Variants in CFAP46 observed in about 807,000 individuals in gnomAD.
CFAP46 encodes the protein cilia- and flagella-associated protein 46.
CFAP46 carries 245 observed loss-of-function variants against 325.7 expected under a neutral mutation model. The ratio of observed to expected loss-of-function variants is 0.75; its 90% CI spans 0.68 to 0.84. The LOEUF (loss-of-function observed/expected upper bound fraction) is 0.84, where lower values mean the gene tolerates loss of function less well. CFAP46 is among the 40% of genes least tolerant of loss of function. The probability of loss-of-function intolerance (pLI) is 0.00; values close to 1 mark genes in which losing one functional copy is unlikely to be tolerated. For synonymous variants in CFAP46, 1,523 were observed against 1,495.9 expected (o/e 1.02, Z -0.42); for missense variants, 3,346 against 3,543.0 (o/e 0.94, Z 1.41).
intron 27 of CFAP46, 42 bp downstream of exon 27, chr10:132,885,061 G>T: frequency 2.6e-6 from 4 of 1,517,302 alleles, no homozygotes; most frequent in Non-Finnish European, 3.5e-6. Flanking sequence ...TTTCACTAAA[G>T]GACAAATTTT....
intron 22 of CFAP46, among the ~76,000 whole-genome samples, chr10:132,902,033 T>TC (rs1246410455): frequency 6.6e-6 from 1 of 152,206 alleles, no homozygotes; most frequent in East Asian, 1.9e-4. Context: ...TCTTTGGTCT[T>TC]CAGCAATGTG....
chr10:132,852,414 T>G (rs1848570655), intron 39 of CFAP46, among the ~76,000 whole-genome samples: 2 of 135,752 alleles, frequency 1.5e-5, no homozygotes, highest in Non-Finnish European at 3.2e-5. Flanking sequence ...ACGTGGTATG[T>G]TCCTCCATTT....
chr10:132,906,852 A>G (rs73393294), intron 22 of CFAP46, among the ~76,000 whole-genome samples: 4,872 of 99,778 alleles, frequency 0.049, 784 homozygotes, highest in African/African-American at 0.21. Flanking sequence ...GTGATGCCCC[A>G]TCCTGGGCAC....
chr10:132,921,591 T>C (rs1849722765), intron 13 of CFAP46, among the ~76,000 whole-genome samples: 1 of 152,114 alleles, frequency 6.6e-6, no homozygotes. Context: ...TGTGTTGAAG[T>C]CCTCGCCCCC....
intron 41 of CFAP46, among the ~76,000 whole-genome samples, chr10:132,849,575 C>T (rs1591051538): frequency 6.6e-6 from 1 of 152,178 alleles, no homozygotes; most frequent in East Asian, 1.9e-4. Flanking sequence ...TTGTAGGGGC[C>T]ATCACCAGGG....
Position 132,864,645 on chromosome 10 carries a change from T to C in CFAP46, c.4890+1380A>G, listed in dbSNP as rs1185095060. On this transcript the variant is annotated intron_variant, in intron 35 of 57. Coordinates refer to ENST00000368586, the MANE Select transcript of CFAP46 (RefSeq NM_001200049.3). ...ACTTGCACACACCTGTCCCCCTGCC[T>C]GAGACCTGCACACACCTGTCCCCAG... 6.9e-5 allele frequency among the ~76,000 whole-genome samples: 9 copies of C among 131,152 alleles called. 1 individual carries two copies. Among genetic ancestry groups the C allele is most frequent in the South Asian group, 2.7e-4 (1 of 3,770 alleles). The allele number at this position is 131,152 out of a possible 152,430, so 86.0% of individuals were successfully genotyped here.
At chr10:132,864,771 GAAC>G (rs1848788608) in intron 35 of CFAP46, among the ~76,000 whole-genome samples, 2 of 110,176 alleles carry the variant, frequency 1.8e-5, no homozygotes, top group Non-Finnish European at 3.4e-5. Flanking sequence ...CCTGAGACCT[GAAC>G]ACACCTGTCC....
At chr10:132,835,126 TC>T (rs1848218546) in intron 47 of CFAP46, among the ~76,000 whole-genome samples, 177 bp downstream of exon 47, 1 of 152,194 alleles carries the variant, frequency 6.6e-6, no homozygotes. Flanking sequence ...GAGCAAGTTC[TC>T]CCCCCACATG....
rs1009000788 is a variant in CFAP46 at position 132,886,240 on chromosome 10, C to A, written c.3305-281G>T. 3.3e-5 allele frequency among the ~76,000 whole-genome samples: 5 copies of A among 152,158 alleles called. No homozygotes were observed. The highest frequency in any genetic ancestry group is 1.2e-4 in the African/African-American group (5 of 41,448). On this transcript the variant is annotated intron_variant, in intron 25 of 57. Transcript: ENST00000368586. The surrounding 1 kb of genome is among the most constrained non-coding windows in gnomAD (Gnocchi z 5.8). ...CTCTCCATCTCCTTGGAGAATTCTG[C>A]GTTCACAAACACAGACCTGTGTTTC...
intron 22 of CFAP46, among the ~76,000 whole-genome samples, chr10:132,907,355 A>G (rs928554427): frequency 6.6e-6 from 1 of 152,216 alleles, no homozygotes; most frequent in Non-Finnish European, 1.5e-5. Context: ...GGATGATAAC[A>G]ATTGCTCAAC....
At chr10:132,887,489 CCT>C (rs1249930991) in intron 25 of CFAP46, among the ~76,000 whole-genome samples, 3 of 109,674 alleles carry the variant, frequency 2.7e-5, no homozygotes, top group Non-Finnish European at 3.8e-5. Flanking sequence ...TCCTCTCTCC[CCT>C]CTCGCCTATT....
intron 5 of CFAP46, 126 bp downstream of exon 5, chr10:132,938,463 G>A (rs1208662050): frequency 1.1e-6 from 1 of 906,668 alleles, no homozygotes; most frequent in Non-Finnish European, 1.7e-6. Context: ...CTGTGGGAGA[G>A]AACGCACATG....
rs2135004440 is a variant in CFAP46, at chr10:132,834,679, G to A, written c.6841C>T (p.Pro2281Ser). 6.2e-7 allele frequency: 1 copy of A among 1,613,348 alleles called. No individual in the cohort carries two copies. Among genetic ancestry groups the A allele is most frequent in the South Asian group, 1.1e-5 (1 of 91,006 alleles). The change falls in exon 48 of 58, where the codon CCC becomes TCC. Residue 2281 changes from proline to serine, a missense_variant. Physicochemically the swap from Pro to Ser is moderately conservative, Grantham distance 74. Transcript: ENST00000368586. ...PLEELLQPLF[P>S]LLSLSKARVQ... Reference sequence around the variant, plus strand: ...CTGGCCTTGGAGAGGCTGAGCAGGGGGAATAGCGGCTGCAGAAGCTCCTCC... The same window carrying A: ...CTGGCCTTGGAGAGGCTGAGCAGGGAGAATAGCGGCTGCAGAAGCTCCTCC...
chr10:132,899,802 G>T, intron 22 of CFAP46, 136 bp from the exon 23 acceptor site: 1 of 1,048,386 alleles, frequency 9.5e-7, no homozygotes, highest in Non-Finnish European at 1.3e-6. Context: ...ACAAGCACAT[G>T]TGCACAGGGC....
At position 132,924,773 on chromosome 10, in the gene CFAP46, G is replaced by A; in HGVS notation, c.1179C>T (p.Pro393=). The change falls in exon 11 of 58, where the codon CCC becomes CCT. Residue 393 remains proline (P), a synonymous_variant. Transcript: ENST00000368586. ...GGTGCCGCAGGTTGTGCTGCAGCAGGGGCAGGCAGGTGTTCCACTGCGTGG... is the reference window on the plus strand; with the variant it reads ...GGTGCCGCAGGTTGTGCTGCAGCAGAGGCAGGCAGGTGTTCCACTGCGTGG... ...VCATQWNTCL[P]LLQHNLRHHL... 6.5e-7 allele frequency: 1 copy of A among 1,532,904 alleles called. No homozygotes were observed. The highest frequency in any genetic ancestry group is 1.4e-5 in the African/African-American group (1 of 71,564). The allele number at this position is 1,532,904 out of a possible 1,614,324, so 95.0% of individuals were successfully genotyped here.
intron 53 of CFAP46, 99 bp downstream of exon 53, chr10:132,814,478 C>G (rs570819664): frequency 1.4e-6 from 2 of 1,437,136 alleles, no homozygotes; most frequent in Admixed American, 4.3e-5. Context: ...GATTTCGGAG[C>G]CTCGAGGAGT....
chr10:132,886,780 T>A lies in CFAP46; in HGVS notation c.3305-821A>T, dbSNP rs905315605. ...GATCCAAAACATCAAACCAAGGCCA[T>A]GGAGGCCCCACCTCGGGAAGGGGTG... On this transcript the variant is annotated intron_variant, in intron 25 of 57. Transcript: ENST00000368586. This position sits in a 1 kb window ranked among gnomAD's most constrained non-coding sequence, Gnocchi z 5.8. 2.0e-5 allele frequency among the ~76,000 whole-genome samples: 3 copies of A among 152,094 alleles called. No homozygotes were observed. The highest frequency in any genetic ancestry group is 7.2e-5 in the African/African-American group (3 of 41,392).
At chr10:132,848,932 G>A (rs1554878086) in intron 41 of CFAP46, among the ~76,000 whole-genome samples, 1 of 143,580 alleles carries the variant, frequency 7.0e-6, no homozygotes, top group Non-Finnish European at 1.6e-5. Flanking sequence ...AGACTAAAAC[G>A]GGGGTTAGAG....
rs148982513 is a variant in CFAP46, at chr10:132,810,444, A to G, written c.7629T>C (p.Pro2543=). 5 of 1,613,598 alleles carry G rather than the reference A, an allele frequency of 3.1e-6. No individual in the cohort carries two copies. Among genetic ancestry groups the G allele is most frequent in the Non-Finnish European group, 3.4e-6 (4 of 1,179,976 alleles). Residue 2543 remains proline, a synonymous_variant, in exon 57 of 58, where the codon CCT becomes CCC. Transcript: ENST00000368586. ...CGCCTCGTCGCCACTCATCTTCTGAAGGAGACGCACTGTTTCTCCAATTGG... is the reference window on the plus strand; with the variant it reads ...CGCCTCGTCGCCACTCATCTTCTGAGGGAGACGCACTGTTTCTCCAATTGG... ...WEANWRNSAS[P]SEDEWRRGGE...
Sources: gnomAD v4.1 joint callset for allele counts (sites outside exome capture counted in the v4.1 genomes callset) on GRCh38, gnomAD v4.1.1 for gene constraint, Gnocchi (gnomAD v3.1) non-coding constraint, MANE v1.5 for transcripts, NCBI Gene and HGNC (gene_info 2026-07-23, HGNC 2026-07-21) for gene names.